The following PBRM1 variants were observed in gnomAD, a reference collection of about 807,000 sequenced individuals.
PBRM1 encodes the protein protein polybromo-1.
Under a neutral mutation model 194.5 loss-of-function variants are expected in PBRM1, and 27 were observed. The ratio of observed to expected loss-of-function variants is 0.14; its 90% confidence interval spans 0.10 to 0.19. PBRM1 has a LOEUF of 0.19. PBRM1 is among the 10% of genes least tolerant of loss of function. The pLI, the probability that PBRM1 is intolerant of heterozygous loss-of-function variation, is 1.00. For missense variants in PBRM1, 1,466 were observed against 2,077.2 expected, an observed-to-expected ratio of 0.71 and a Z score of 5.72; for synonymous variants, 655 against 693.2, an observed-to-expected ratio of 0.94 and a Z score of 0.87.
exon 27 of PBRM1, chr3:52,554,727 G>A (rs772543387): frequency 1.3e-6 from 2 of 1,551,462 alleles, no homozygotes; most frequent in Admixed American, 4.6e-5. Context: ...TTCTTACCCG[G>A]TGGTGGGATG....
chr3:52,586,537 A>G, exon 20 of PBRM1: 3 of 1,614,168 alleles, frequency 1.9e-6, no homozygotes, highest in Non-Finnish European at 2.5e-6. Context: ...AACCACAGGC[A>G]GAGGCACATC....
chr3:52,663,123 A>G (rs572775953), intron 3 of PBRM1, among the ~76,000 whole-genome samples: 42 of 152,352 alleles, frequency 2.8e-4, no homozygotes, highest in African/African-American at 9.9e-4. Flanking sequence ...AATAGGAAGT[A>G]AGGATGTTCA....
chr3:52,671,096 T>A (rs1042143476), intron 2 of PBRM1, among the ~76,000 whole-genome samples: 1 of 152,204 alleles, frequency 6.6e-6, no homozygotes, highest in Non-Finnish European at 1.5e-5. Flanking sequence ...CTAATACTTG[T>A]ACCTTGACAA....
chr3:52,594,842 C>G (rs1382443757), intron 17 of PBRM1, among the ~76,000 whole-genome samples: 1 of 152,082 alleles, frequency 6.6e-6, no homozygotes, highest in Admixed American at 6.6e-5. Flanking sequence ...TTGGTTTGGC[C>G]GGACAGAAAT....
At chr3:52,550,778 G>A (rs749299765) in exon 28 of PBRM1, 2 of 1,612,434 alleles carry the variant, frequency 1.2e-6, no homozygotes, top group South Asian at 2.2e-5. Flanking sequence ...ACCTGGTGCT[G>A]GAGTCCCTAC....
At chr3:52,627,489 G>A (rs1341579204) in intron 12 of PBRM1, 119 bp from the exon 14 acceptor site, 3 of 612,080 alleles carry the variant, frequency 4.9e-6, no homozygotes, top group Non-Finnish European at 8.7e-6. Context: ...CATGCAGGAT[G>A]TACAAAATGA....
intron 5 of PBRM1, among the ~76,000 whole-genome samples, chr3:52,657,561 C>T (rs1156838483): frequency 6.6e-6 from 1 of 151,952 alleles, no homozygotes; most frequent in Non-Finnish European, 1.5e-5. Context: ...CTTCCACCTC[C>T]CAGGTTCAAG....
intron 6 of PBRM1, among the ~76,000 whole-genome samples, chr3:52,650,800 T>C (rs559017672): frequency 6.6e-6 from 1 of 152,356 alleles, no homozygotes; most frequent in South Asian, 2.1e-4. Flanking sequence ...GATTAAGTAG[T>C]AGAGCTAGAA....
chr3:52,627,721 T>C (rs1452202187), intron 12 of PBRM1, among the ~76,000 whole-genome samples: 1 of 152,202 alleles, frequency 6.6e-6, no homozygotes, highest in East Asian at 1.9e-4. Context: ...CCTTTGGTAC[T>C]CCTGACTTCT....
chr3:52,650,133 C>T (rs1268253773), intron 6 of PBRM1, among the ~76,000 whole-genome samples: 4 of 151,828 alleles, frequency 2.6e-5, no homozygotes, highest in Non-Finnish European at 4.4e-5. Flanking sequence ...GAGGCCAAGG[C>T]GGGTGGATCA....
chr3:52,609,902 G>C lies in PBRM1; in HGVS notation c.1978C>G (p.Gln660Glu), dbSNP rs925277999. 1 of 1,559,916 alleles carries C rather than the reference G, an allele frequency of 6.4e-7. No homozygotes were observed. The highest frequency in any genetic ancestry group is 8.7e-7 in the Non-Finnish European group (1 of 1,153,312). The change falls in exon 16 of 30, where the codon CAG (glutamine) becomes GAG (glutamate). Residue 660 changes from glutamine (Q) to glutamate (E), a missense_variant. By Grantham distance (29) the Gln-to-Glu change is conservative. Around this residue, in one of 5 missense-constraint regions of PBRM1, gnomAD observed 687 missense variants for 946.2 expected, o/e 0.73. Coordinates refer to ENST00000296302, the Ensembl canonical transcript of PBRM1. The surrounding 1 kb of genome is among the most constrained non-coding windows in gnomAD (Gnocchi z 4.1). The stretch of plus-strand genomic sequence containing the variant: ...GCTTCATAGACCTCATTTAGTTTCT[G>C]CTGCATTGGAGTCATGTATTTTGAT...
rs567776784 is a variant in PBRM1 at position 52,636,757 on chromosome 3, CAAAAAAAAAAA to C, written c.1088-1953_1088-1943del. On this transcript the variant is annotated intron_variant, in intron 10 of 29. Transcript: ENST00000296302. ...GGGCAAAAGAGTGAAACTCTGTCTC[CAAAAAAAAAAA>C]AAAAAAAAAAAAAAAAAAGAATTTA... 3.7e-3 allele frequency among the ~76,000 whole-genome samples: 69 copies of C among 18,682 alleles called. 1 individual carries two copies. The highest frequency in any genetic ancestry group is 6.9e-3 in the East Asian group (4 of 582). The allele number at this position is 18,682 out of a possible 152,430, so 12.3% of individuals were successfully genotyped here.
At chr3:52,587,288 TTC>T in intron 19 of PBRM1, 63 bp downstream of exon 21, 2 of 1,168,318 alleles carry the variant, frequency 1.7e-6, no homozygotes, top group Admixed American at 4.2e-5. Flanking sequence ...ATCGATTATT[TTC>T]TGTGTTTTAA....
At chr3:52,678,889 T>C (rs538564168) in intron 1 of PBRM1, among the ~76,000 whole-genome samples, 2 of 152,268 alleles carry the variant, frequency 1.3e-5, no homozygotes, top group Admixed American at 1.3e-4. Flanking sequence ...AATTGAAGGG[T>C]TTTCTTCTTT....
At chr3:52,564,199 G>A (rs2153527167) in exon 23 of PBRM1, 4 of 1,613,840 alleles carry the variant, frequency 2.5e-6, no homozygotes, top group Non-Finnish European at 2.5e-6. Flanking sequence ...GCCTGCAGGA[G>A]AGGAAGTCCT....
chr3:52,676,592 T>G (rs1351704676), intron 2 of PBRM1, among the ~76,000 whole-genome samples: 1 of 152,108 alleles, frequency 6.6e-6, no homozygotes, highest in East Asian at 1.9e-4. Context: ...TTATCAGCAG[T>G]GTGAAAACCA....
chr3:52,642,002 T>C (rs1239938907), exon 10 of PBRM1: 7 of 1,607,782 alleles, frequency 4.4e-6, no homozygotes, highest in African/African-American at 1.3e-5. Flanking sequence ...TGAAGTGCCA[T>C]TGTAATTGCT....
intron 22 of PBRM1, among the ~76,000 whole-genome samples, chr3:52,573,637 C>A (rs865933668): frequency 1.3e-5 from 2 of 152,262 alleles, no homozygotes; most frequent in Middle Eastern, 3.4e-3. Flanking sequence ...AAAGAAATTA[C>A]TCCAAGTTAT....
chr3:52,582,872 C>T (rs543644337), intron 20 of PBRM1, among the ~76,000 whole-genome samples: 7 of 151,672 alleles, frequency 4.6e-5, no homozygotes, highest in Admixed American at 2.6e-4. Flanking sequence ...CCGAGGCGGG[C>T]GGATCATGAG....
Sources: allele counts gnomAD v4.1 joint callset (sites outside exome capture counted in the v4.1 genomes callset), GRCh38; gene constraint gnomAD v4.1.1; regional missense constraint gnomAD v4.1.1; non-coding constraint Gnocchi (gnomAD v3.1); transcripts MANE v1.5; gene names NCBI Gene and HGNC (gene_info 2026-07-23, HGNC 2026-07-21).